DISC1: variants seen among roughly 807,000 people sequenced by gnomAD.
The protein encoded by DISC1 is disrupted in schizophrenia 1 protein.
A neutral mutation model predicts 84.5 loss-of-function variants in DISC1; 57 were observed. The observed-to-expected ratio is 0.67, with a 90% CI of 0.55 to 0.84. The LOEUF is 0.84. Ranked by LOEUF, DISC1 falls within the 40% of genes least tolerant of loss-of-function variation. The probability of loss-of-function intolerance (pLI) is 0.00; values close to 1 mark genes in which losing one functional copy is unlikely to be tolerated. For missense variants in DISC1, 1,000 were observed against 1,057.8 expected (o/e 0.95, Z 0.76); for synonymous variants, 411 against 415.2 (o/e 0.99, Z 0.12).
At chr1:231,986,941 C>T (rs1285655058) in intron 10 of DISC1, among the ~76,000 whole-genome samples, 1 of 152,172 alleles carries the variant, frequency 6.6e-6, no homozygotes, top group Non-Finnish European at 1.5e-5. Context: ...TAAGGTCTGT[C>T]TCCTTTTCCC....
intron 7 of DISC1, among the ~76,000 whole-genome samples, chr1:231,797,532 T>C (rs1000674963): frequency 1.4e-4 from 21 of 152,142 alleles, no homozygotes. Context: ...TATTCCTGCA[T>C]GGAAGAAAGA....
chr1:231,884,907 G>C, intron 9 of DISC1, among the ~76,000 whole-genome samples: 1 of 152,218 alleles, frequency 6.6e-6, no homozygotes, highest in East Asian at 1.9e-4. Flanking sequence ...TTTAGTGCTG[G>C]AATATATAAG....
At position 231,698,028 on chromosome 1, in the gene DISC1, G is replaced by C. The variant is rs529377805; in HGVS notation, c.1047+3223G>C. On this transcript the variant is annotated intron_variant, in intron 2 of 12. Transcript: ENST00000439617. This position sits in a 1 kb window ranked among gnomAD's most constrained non-coding sequence, Gnocchi z 4.9. ...TGATGGGCCTGATGGAGAAGATACA[G>C]GTGCTCCAGAAACTTTATTCAGGCA... Among the ~76,000 whole-genome samples the C allele has an allele frequency of 6.6e-6, 1 of 152,276 alleles. No individual in the cohort carries two copies. Among genetic ancestry groups the C allele is most frequent in the East Asian group, 1.9e-4 (1 of 5,184 alleles).
At chr1:231,767,012 G>A in intron 4 of DISC1, 128 bp from the exon 5 acceptor site, 4 of 1,248,904 alleles carry the variant, frequency 3.2e-6, no homozygotes, top group African/African-American at 3.0e-5. Flanking sequence ...CTAAAAACAG[G>A]TAAGTACCCT....
At chr1:231,850,410 G>A (rs1341885395) in intron 9 of DISC1, among the ~76,000 whole-genome samples, 1 of 152,196 alleles carries the variant, frequency 6.6e-6, no homozygotes, top group Non-Finnish European at 1.5e-5. Context: ...ACAATGCTAG[G>A]GCCTGAGTTG....
At chr1:231,963,197 C>A (rs1436044262) in intron 10 of DISC1, among the ~76,000 whole-genome samples, 1 of 152,116 alleles carries the variant, frequency 6.6e-6, no homozygotes, top group Non-Finnish European at 1.5e-5. Flanking sequence ...ATCACTACCC[C>A]ATCATCACCC....
intron 1 of DISC1, among the ~76,000 whole-genome samples, chr1:231,676,090 A>G (rs1202286977): frequency 6.6e-6 from 1 of 151,992 alleles, no homozygotes; most frequent in African/African-American, 2.4e-5. Context: ...CTGATGATCC[A>G]TCTGCCTTGT....
chr1:231,646,744 T>C (rs572183577), intron 1 of DISC1, among the ~76,000 whole-genome samples: 3 of 152,332 alleles, frequency 2.0e-5, no homozygotes, highest in South Asian at 4.1e-4. Flanking sequence ...TTTTTAATGA[T>C]CACCATTCTA....
intron 9 of DISC1, among the ~76,000 whole-genome samples, chr1:231,882,975 C>G (rs1028578100): frequency 6.6e-6 from 1 of 151,718 alleles, no homozygotes; most frequent in East Asian, 2.0e-4. Flanking sequence ...AGAACACAAG[C>G]ACAAGCATAA....
At chr1:232,028,888 C>A (rs957359322) in intron 12 of DISC1, among the ~76,000 whole-genome samples, 4 of 152,102 alleles carry the variant, frequency 2.6e-5, no homozygotes, top group African/African-American at 9.7e-5. Context: ...AATAAAACTT[C>A]TATAAATGGA....
chr1:231,971,982 C>T (rs1259819436), intron 10 of DISC1, among the ~76,000 whole-genome samples: 1 of 152,178 alleles, frequency 6.6e-6, no homozygotes, highest in Non-Finnish European at 1.5e-5. Context: ...TGAGTTATTT[C>T]CTTTATTATT....
chr1:231,924,682 A>C (rs1362984578), intron 9 of DISC1, among the ~76,000 whole-genome samples: 1 of 146,796 alleles, frequency 6.8e-6, no homozygotes, highest in African/African-American at 2.5e-5. Flanking sequence ...TTTGAGATGG[A>C]GTCTCACTCT....
At chr1:231,837,726 G>T (rs1157719090) in intron 9 of DISC1, among the ~76,000 whole-genome samples, 1 of 152,192 alleles carries the variant, frequency 6.6e-6, no homozygotes, top group Non-Finnish European at 1.5e-5. Flanking sequence ...TGAGGAGGTG[G>T]CACAAGTAAT....
intron 1 of DISC1, among the ~76,000 whole-genome samples, chr1:231,639,999 T>C (rs1234920895): frequency 6.6e-6 from 1 of 152,210 alleles, no homozygotes; most frequent in Non-Finnish European, 1.5e-5. Context: ...TCCCACTAAG[T>C]AGGATAAATG....
intron 1 of DISC1, among the ~76,000 whole-genome samples, chr1:231,633,026 A>C (rs2058865140): frequency 6.6e-6 from 1 of 152,166 alleles, no homozygotes; most frequent in African/African-American, 2.4e-5. Context: ...AGCCAAGATC[A>C]TGTCACTGCA....
intron 11 of DISC1, among the ~76,000 whole-genome samples, chr1:232,025,635 C>T (rs1572677096): frequency 1.4e-5 from 2 of 146,618 alleles, no homozygotes; most frequent in Admixed American, 6.9e-5. Context: ...CTCGCTCTGT[C>T]GCCCAGGCTG....
intron 10 of DISC1, among the ~76,000 whole-genome samples, chr1:232,000,675 G>A (rs1285860106): frequency 6.6e-6 from 1 of 151,958 alleles, no homozygotes; most frequent in Non-Finnish European, 1.5e-5. Flanking sequence ...CTAAAGACAA[G>A]GAAAAATCCT....
chr1:231,733,714 G>A lies in DISC1; in HGVS notation c.1118-16212G>A, dbSNP rs180972772. ...AGTGGTGGTGATGGTAGGAATGGTA[G>A]TGGTGGTGGTGGTGATTGTGGGAGT... is the stretch of plus-strand genomic sequence containing the variant. On this transcript the variant is annotated intron_variant, in intron 3 of 12. Transcript: ENST00000439617. Among the ~76,000 whole-genome samples the A allele has an allele frequency of 2.4e-3, 296 of 125,800 alleles. 3 individuals are homozygous for A. Among genetic ancestry groups the A allele is most frequent in the African/African-American group, 8.0e-3 (288 of 36,192 alleles). The allele number at this position is 125,800 out of a possible 152,430, so 82.5% of individuals were successfully genotyped here. A position where few individuals can be genotyped will look rare whatever the true frequency, so the allele number is the denominator to read the frequency against.
At chr1:231,728,613 T>G (rs1162071393) in intron 3 of DISC1, among the ~76,000 whole-genome samples, 1 of 152,230 alleles carries the variant, frequency 6.6e-6, no homozygotes, top group Non-Finnish European at 1.5e-5. Context: ...GCTTGACATA[T>G]GAAACCACAT....
Sources: allele counts gnomAD v4.1 joint callset (sites outside exome capture counted in the v4.1 genomes callset), GRCh38; gene constraint gnomAD v4.1.1; non-coding constraint Gnocchi (gnomAD v3.1); transcripts MANE v1.5; gene names NCBI Gene and HGNC (gene_info 2026-07-23, HGNC 2026-07-21).